ATP9B: variants seen among roughly 807,000 people sequenced by gnomAD.
ATP9B encodes the protein ATPase phospholipid transporting 9B, also known as probable phospholipid-transporting ATPase IIB.
In ATP9B, 110 loss-of-function variants were observed where a neutral mutation model predicts 146.1. The ratio of observed to expected loss-of-function variants is 0.75; its 90% confidence interval spans 0.65 to 0.88. The LOEUF is 0.88. Among genes scored for constraint, ATP9B ranks in the 40% least tolerant of loss-of-function variants. The pLI, the probability that ATP9B is intolerant of heterozygous loss-of-function variation, is 0.00. For synonymous variants in ATP9B, 604 were observed against 569.7 expected (o/e 1.06, Z -0.86); for missense variants, 1,499 against 1,496.4 (o/e 1.00, Z -0.03).
intron 11 of ATP9B, among the ~76,000 whole-genome samples, chr18:79,250,724 C>A (rs2096014214): frequency 6.6e-6 from 1 of 152,200 alleles, no homozygotes; most frequent in South Asian, 2.1e-4. Flanking sequence ...TCAGCTGCCC[C>A]ATTCTCAAGG....
intron 1 of ATP9B, among the ~76,000 whole-genome samples, chr18:79,075,346 G>C (rs1204658638): frequency 6.6e-6 from 1 of 152,128 alleles, no homozygotes; most frequent in African/African-American, 2.4e-5. Context: ...GTAGAGATGG[G>C]GTTGCACTGG....
In ATP9B at chr18:79,097,483, A is replaced by AT. The variant is rs2074892296; in HGVS notation, c.293+840dup. The stretch of plus-strand genomic sequence containing the variant: ...ATTTTCTTTTTTTTTAATTTTTTTA[A>AT]TTTTTTATTTTTTTATTTTTTATTT... On this transcript the variant is annotated intron_variant, in intron 2 of 29. Coordinates refer to ENST00000426216, the MANE Select transcript of ATP9B (RefSeq NM_198531.5). Among the ~76,000 whole-genome samples the AT allele has an allele frequency of 2.1e-5, 3 of 143,422 alleles. No individual in the cohort carries two copies. The South Asian group carries it at 6.6e-4, about 32-fold the overall frequency. 94.1% of individuals were successfully genotyped at this position (143,422 alleles called of 152,430 possible).
intron 1 of ATP9B, among the ~76,000 whole-genome samples, chr18:79,091,820 CAGT>C (rs766981020): frequency 6.6e-6 from 1 of 152,142 alleles, no homozygotes; most frequent in South Asian, 2.1e-4. Flanking sequence ...TGTCGAGTAA[CAGT>C]GGTGACAGTG....
rs376680817 is a variant in ATP9B at position 79,332,225 on chromosome 18, T to C, written c.2028+2121T>C. Among the ~76,000 whole-genome samples, 552 of 152,220 alleles carry C rather than the reference T, an allele frequency of 3.6e-3. 7 individuals carry two copies. Among genetic ancestry groups the C allele is most frequent in the East Asian group, 0.011 (55 of 5,170 alleles). Reference sequence around the variant, plus strand: ...CGGGCAGATCACGAGGTCAGGAGATTGAGACCCTCCTGGCTAACACGGTGA... The same window carrying C: ...CGGGCAGATCACGAGGTCAGGAGATCGAGACCCTCCTGGCTAACACGGTGA... On this transcript the variant is annotated intron_variant, in intron 17 of 29. Coordinates refer to ENST00000426216, the MANE Select transcript of ATP9B (RefSeq NM_198531.5).
rs202037994 is a variant in ATP9B, at chr18:79,328,079, G to C, written c.1774-1062G>C. On this transcript the variant is annotated intron_variant, in intron 15 of 29. Transcript: ENST00000426216. ...CTGGTTAGCGTGCTCTCCGTGGTTA[G>C]CGTGCTCTCTGTGGTTAGCGTGCTC... Among the ~76,000 whole-genome samples, 4 of 147,066 alleles carry C rather than the reference G, an allele frequency of 2.7e-5. No individual in the cohort carries two copies. The East Asian group carries it at 8.0e-4, about 29-fold the overall frequency.
chr18:79,121,651 C>G (rs1319000632), intron 4 of ATP9B, among the ~76,000 whole-genome samples: 1 of 152,178 alleles, frequency 6.6e-6, no homozygotes, highest in Admixed American at 6.5e-5. Context: ...TGGGCATTTC[C>G]TTGGATAGAT....
At chr18:79,098,002 C>T (rs1261753887) in intron 2 of ATP9B, among the ~76,000 whole-genome samples, 14 of 152,152 alleles carry the variant, frequency 9.2e-5, no homozygotes, top group Non-Finnish European at 1.6e-4. Context: ...AACAAGGCTA[C>T]AGTAACCAAA....
intron 18 of ATP9B, 72 bp downstream of exon 18, chr18:79,336,783 CTT>C: frequency 6.1e-6 from 9 of 1,480,176 alleles, no homozygotes; most frequent in Non-Finnish European, 7.5e-6. Context: ...TTCTTCCTGT[CTT>C]TGTATGAAAT....
chr18:79,196,780 A>G (rs1227860993), intron 9 of ATP9B, among the ~76,000 whole-genome samples: 1 of 152,244 alleles, frequency 6.6e-6, no homozygotes, highest in Non-Finnish European at 1.5e-5. Context: ...ATACAAATAA[A>G]AAGGAAACAG....
intron 1 of ATP9B, among the ~76,000 whole-genome samples, chr18:79,074,488 T>C (rs1295527483): frequency 6.6e-6 from 1 of 152,184 alleles, no homozygotes; most frequent in Non-Finnish European, 1.5e-5. Context: ...CTGGGCCCCT[T>C]ATGTGGTGGG....
chr18:79,089,829 A>G (rs892619194), intron 1 of ATP9B, among the ~76,000 whole-genome samples: 3 of 152,152 alleles, frequency 2.0e-5, no homozygotes, highest in South Asian at 2.1e-4. Flanking sequence ...TCTTAATTAT[A>G]GTTGCCTTGT....
chr18:79,336,015 G>A (rs1382232502), intron 17 of ATP9B, among the ~76,000 whole-genome samples: 4 of 151,142 alleles, frequency 2.6e-5, no homozygotes, highest in Admixed American at 6.6e-5. Flanking sequence ...CCCCTCGCCC[G>A]TCCCCAGCAC....
In ATP9B at chr18:79,096,566, C is replaced by T. The variant is rs779149216; in HGVS notation, c.210C>T (p.His70=). ...EGFENEESDY[H]TLPRARIMQR... ...TTGAGAATGAGGAAAGTGATTACCA[C>T]ACCTTACCACGAGCCAGGATAATGC... Residue 70 remains histidine (H), a synonymous_variant, in exon 2 of 30, where the codon CAC becomes CAT. Transcript: ENST00000426216. 23 of 1,613,876 alleles carry T rather than the reference C, an allele frequency of 1.4e-5. No homozygotes were observed. The highest frequency in any genetic ancestry group is 2.2e-5 in the South Asian group (2 of 91,070).
rs2096846354 is a variant in ATP9B at position 79,339,482 on chromosome 18, G to A, written c.2283+2033G>A. Among the ~76,000 whole-genome samples, 3 of 152,100 alleles carry A rather than the reference G, an allele frequency of 2.0e-5. No homozygotes were observed. In the South Asian group the frequency reaches 6.2e-4, roughly 32 times the overall value. Reference sequence around the variant, plus strand: ...ATGATCACAGTAGGAAGTGTGTCATGATCACAGTAGGAAGTGTCATGATCG... The same window carrying A: ...ATGATCACAGTAGGAAGTGTGTCATAATCACAGTAGGAAGTGTCATGATCG... On this transcript the variant is annotated intron_variant, in intron 19 of 29. Coordinates refer to ENST00000426216, the MANE Select transcript of ATP9B (RefSeq NM_198531.5).
Position 79,347,839 on chromosome 18 carries a change from A to C in ATP9B, c.2752A>C (p.Met918Leu), listed in dbSNP as rs752889354. 6.2e-7 allele frequency: 1 copy of C among 1,613,498 alleles called. No individual in the cohort carries two copies. Among genetic ancestry groups the C allele is most frequent in the Non-Finnish European group, 8.5e-7 (1 of 1,179,678 alleles). The part of the protein sequence containing the change: ...TQFRHIGRLL[M>L]VHGRNSYKRS... ...GTTCCGGCACATAGGCAGGCTGCTC[A>C]TGGTGCACGGGCGGAACAGCTACAA... is the stretch of plus-strand genomic sequence containing the variant. The change falls in exon 24 of 30, where the codon ATG (methionine) becomes CTG (leucine). Residue 918 changes from methionine to leucine, a missense_variant. Physicochemically the swap from Met to Leu is conservative, Grantham distance 15. Transcript: ENST00000426216.
Position 79,361,741 on chromosome 18 carries a change from C to T in ATP9B, c.3012+2279C>T, listed in dbSNP as rs745894475. ...AGCTTTCTGTTCCTTCTGAACAGTTCGCCAAGGTAGCACAGACTGCAGCAC... is the reference window on the plus strand; with the variant it reads ...AGCTTTCTGTTCCTTCTGAACAGTTTGCCAAGGTAGCACAGACTGCAGCAC... On this transcript the variant is annotated intron_variant, in intron 26 of 29. Transcript: ENST00000426216. 2.6e-5 allele frequency: 26 copies of T among 984,898 alleles called. No homozygotes were observed. The African/African-American group carries it at 3.8e-4, about 15-fold the overall frequency. The allele number at this position is 984,898 out of a possible 1,614,324, so 61.0% of individuals were successfully genotyped here. A position where few individuals can be genotyped will look rare whatever the true frequency, so the allele number is the denominator to read the frequency against.
At chr18:79,364,051 AG>A (rs1214178914) in intron 26 of ATP9B, 1 of 152,234 alleles carries the variant, frequency 6.6e-6, no homozygotes, top group East Asian at 1.9e-4. Flanking sequence ...GCGGATCACG[AG>A]GTCAGGAGAT....
chr18:79,069,630 C>T (rs910665043), intron 1 of ATP9B, 101 bp downstream of exon 1: 68 of 705,408 alleles, frequency 9.6e-5, no homozygotes, highest in African/African-American at 5.9e-4. Flanking sequence ...TCGCTACCGG[C>T]GCGCCCCATC....
intron 5 of ATP9B, among the ~76,000 whole-genome samples, chr18:79,140,154 G>A (rs905031463): frequency 6.6e-6 from 1 of 152,122 alleles, no homozygotes; most frequent in Non-Finnish European, 1.5e-5. Flanking sequence ...AGCAAGTGCT[G>A]GGAGCTTCTG....
Sources: gnomAD v4.1 joint callset for allele counts (sites outside exome capture counted in the v4.1 genomes callset) on GRCh38, gnomAD v4.1.1 for gene constraint, MANE v1.5 for transcripts, NCBI Gene and HGNC (gene_info 2026-07-23, HGNC 2026-07-21) for gene names.